Variants in ADAMTS3 observed in about 807,000 individuals in gnomAD.
ADAMTS3 encodes ADAM metallopeptidase with thrombospondin type 1 motif 3, also known as A disintegrin and metalloproteinase with thrombospondin motifs 3.
A neutral mutation model predicts 129.0 loss-of-function variants in ADAMTS3; 73 were observed. That is an observed-to-expected ratio of 0.57 (90% CI 0.47 to 0.69). The LOEUF (loss-of-function observed/expected upper bound fraction) is 0.69, where lower values mean the gene tolerates loss of function less well. Among genes scored for constraint, ADAMTS3 ranks in the 30% least tolerant of loss-of-function variants. The pLI, the probability that ADAMTS3 is intolerant of heterozygous loss-of-function variation, is 0.00. For synonymous variants in ADAMTS3, 477 were observed against 510.8 expected (o/e 0.93, Z 0.89); for missense variants, 1,457 against 1,514.5 (o/e 0.96, Z 0.63).
chr4:72,405,231 ATTTG>A (rs1722021381), intron 4 of ADAMTS3, among the ~76,000 whole-genome samples: 3 of 152,246 alleles, frequency 2.0e-5, no homozygotes, highest in Admixed American at 2.0e-4. Flanking sequence ...TTGAAGAAAT[ATTTG>A]CAACCTGGTG....
intron 3 of ADAMTS3, among the ~76,000 whole-genome samples, chr4:72,516,422 T>C (rs1045664076): frequency 2.0e-5 from 3 of 152,178 alleles, no homozygotes; most frequent in East Asian, 1.9e-4. Flanking sequence ...TAAATTACCT[T>C]GGGCAGTATG....
intron 4 of ADAMTS3, among the ~76,000 whole-genome samples, chr4:72,399,638 GAAAT>G (rs140442908): frequency 3.3e-4 from 50 of 151,862 alleles, no homozygotes; most frequent in African/African-American, 1.2e-3. Flanking sequence ...AGACTCAAAT[GAAAT>G]AAGTTTTCAG....
chr4:72,533,832 A>C (rs114488988), intron 3 of ADAMTS3, among the ~76,000 whole-genome samples: 72 of 152,270 alleles, frequency 4.7e-4, no homozygotes, highest in African/African-American at 1.6e-3. Flanking sequence ...ATTAAAAAAT[A>C]CATTTTAAAA....
rs543468688 is a variant in ADAMTS3 at position 72,516,491 on chromosome 4, C to T, written c.504+31987G>A. 2.5e-3 allele frequency among the ~76,000 whole-genome samples: 373 copies of T among 152,056 alleles called. 4 individuals carry two copies. The highest frequency in any genetic ancestry group is 3.9e-3 in the Non-Finnish European group (263 of 67,956). On this transcript the variant is annotated intron_variant, in intron 3 of 21. Coordinates refer to ENST00000286657, the MANE Select transcript of ADAMTS3 (RefSeq NM_014243.3). ...GAGCATGGAATGTTCTTCCATTTGT[C>T]TGTATCCTTTTTTATTTCATTGAGC...
intron 3 of ADAMTS3, among the ~76,000 whole-genome samples, chr4:72,452,484 A>C (rs146704869): frequency 0.01 from 1,539 of 151,910 alleles, 23 homozygotes; most frequent in South Asian, 0.066. Flanking sequence ...GCTTCTAGAT[A>C]TAATTGTATG....
Position 72,449,122 on chromosome 4 carries a change from T to C in ADAMTS3, c.505-34151A>G, listed in dbSNP as rs575352263. Among the ~76,000 whole-genome samples the C allele has an allele frequency of 2.6e-5, 4 of 151,672 alleles. No homozygotes were observed. In the East Asian group the frequency reaches 5.9e-4, roughly 22 times the overall value. Reference sequence around the variant, plus strand: ...TCTGCACTTGTCATAAAAGCAGGAGTGTGTGAAGACTGTGCTCTGGGCCTC... The same window carrying C: ...TCTGCACTTGTCATAAAAGCAGGAGCGTGTGAAGACTGTGCTCTGGGCCTC... On this transcript the variant is annotated intron_variant, in intron 3 of 21. Coordinates refer to ENST00000286657, the MANE Select transcript of ADAMTS3 (RefSeq NM_014243.3).
intron 11 of ADAMTS3, among the ~76,000 whole-genome samples, chr4:72,315,051 G>T (rs1394471735): frequency 6.6e-6 from 1 of 152,138 alleles, no homozygotes; most frequent in Non-Finnish European, 1.5e-5. Context: ...TACACAATTT[G>T]AGATTTAAAA....
Position 72,567,354 on chromosome 4 carries a change from C to A in ADAMTS3, c.97+20G>T. On this transcript the variant is annotated intron_variant, in intron 2 of 21. Transcript: ENST00000286657. The stretch of plus-strand genomic sequence containing the variant: ...TACTTTCAACTTAAGATAAGAGTGA[C>A]ATCTGAGAACAAAGCTTACCTATTT... 3 of 1,612,260 alleles carry A rather than the reference C, an allele frequency of 1.9e-6. No individual in the cohort carries two copies. The highest frequency in any genetic ancestry group is 2.5e-6 in the Non-Finnish European group (3 of 1,178,452).
intron 3 of ADAMTS3, among the ~76,000 whole-genome samples, chr4:72,544,485 A>G (rs1395279771): frequency 6.6e-6 from 1 of 152,146 alleles, no homozygotes; most frequent in Non-Finnish European, 1.5e-5. Flanking sequence ...TAGTGCTTCA[A>G]AATGCTTTAA....
chr4:72,514,109 G>A (rs77679629), intron 3 of ADAMTS3, among the ~76,000 whole-genome samples: 5,576 of 151,298 alleles, frequency 0.037, 123 homozygotes, highest in Non-Finnish European at 0.048. Flanking sequence ...TCTCAGTAAC[G>A]CCTCTCAATT....
chr4:72,320,564 CTG>C (rs1392294443), intron 7 of ADAMTS3, 148 bp downstream of exon 7: 7 of 770,462 alleles, frequency 9.1e-6, no homozygotes, highest in African/African-American at 7.1e-5. Context: ...ACATAAGTCA[CTG>C]TAAGCAAAAG....
At position 72,283,130 on chromosome 4, in the gene ADAMTS3, A is replaced by T. The variant is rs1324487610; in HGVS notation, c.*6T>A. 2 of 1,585,418 alleles carry T rather than the reference A, an allele frequency of 1.3e-6. No homozygotes were observed. Among genetic ancestry groups the T allele is most frequent in the Admixed American group, 1.8e-5 (1 of 56,426 alleles). On this transcript the variant is annotated 3_prime_UTR_variant, in exon 22 of 22. Coordinates refer to ENST00000286657, the MANE Select transcript of ADAMTS3 (RefSeq NM_014243.3). ...CTCTGGTTTCTAGCCTTTTTGGTTCACTTTCTCATCTTTCTAAGGTGGATG... is the reference window on the plus strand; with the variant it reads ...CTCTGGTTTCTAGCCTTTTTGGTTCTCTTTCTCATCTTTCTAAGGTGGATG...
intron 3 of ADAMTS3, among the ~76,000 whole-genome samples, chr4:72,505,214 A>G (rs977309444): frequency 6.6e-6 from 1 of 152,018 alleles, no homozygotes; most frequent in Non-Finnish European, 1.5e-5. Context: ...AGTTATTTTC[A>G]TGTGGGTAGG....
At chr4:72,391,011 A>G (rs1321231029) in intron 4 of ADAMTS3, among the ~76,000 whole-genome samples, 1 of 152,016 alleles carries the variant, frequency 6.6e-6, no homozygotes, top group Non-Finnish European at 1.5e-5. Context: ...GTACTGATGG[A>G]TTTATAAGAC....
chr4:72,546,483 T>C (rs957575331), intron 3 of ADAMTS3, among the ~76,000 whole-genome samples: 6 of 151,874 alleles, frequency 4.0e-5, no homozygotes, highest in African/African-American at 1.5e-4. Context: ...CTGTCCTAGA[T>C]AAACCCCCTT....
chr4:72,453,313 T>C (rs1205048214), intron 3 of ADAMTS3, among the ~76,000 whole-genome samples: 1 of 151,834 alleles, frequency 6.6e-6, no homozygotes, highest in African/African-American at 2.4e-5. Flanking sequence ...CTGAGGCATC[T>C]CAAATCATTC....
At chr4:72,392,915 A>AT (rs36046621) in intron 4 of ADAMTS3, among the ~76,000 whole-genome samples, 14 of 139,870 alleles carry the variant, frequency 1.0e-4, no homozygotes, top group African/African-American at 1.6e-4. Flanking sequence ...TACCCATCGG[A>AT]TTTTTTTTTT....
Position 72,313,664 on chromosome 4 carries a change from A to T in ADAMTS3, c.1745+13T>A, listed in dbSNP as rs1312563932. The T allele has an allele frequency of 3.1e-6, 5 of 1,612,312 alleles. No individual in the cohort carries two copies. The African/African-American group carries it at 4.0e-5, about 13-fold the overall frequency. On this transcript the variant is annotated intron_variant, in intron 12 of 21. Coordinates refer to ENST00000286657, the MANE Select transcript of ADAMTS3 (RefSeq NM_014243.3). ...CTCTCCAAAAATAACAAGAGTTACA[A>T]GGATATACTCACATGGGATTATTGC...
intron 21 of ADAMTS3, among the ~76,000 whole-genome samples, chr4:72,288,279 G>T (rs1179846664): frequency 6.6e-6 from 1 of 152,214 alleles, no homozygotes; most frequent in East Asian, 1.9e-4. Flanking sequence ...TATGTGCAAG[G>T]TGTCTGTTTG....
Sources: allele counts gnomAD v4.1 joint callset (sites outside exome capture counted in the v4.1 genomes callset), GRCh38; gene constraint gnomAD v4.1.1; transcripts MANE v1.5; gene names NCBI Gene and HGNC (gene_info 2026-07-23, HGNC 2026-07-21).